The following IQANK1 variants were observed in gnomAD, a reference collection of about 807,000 sequenced individuals.
IQANK1 encodes IQ motif and ankyrin repeat containing 1.
IQANK1 carries 30 observed loss-of-function variants against 22.6 expected under a neutral mutation model. The observed-to-expected ratio is 1.33, with a 90% CI of 0.99 to 1.80. The LOEUF is 1.80. Ranked by LOEUF, IQANK1 falls within the 40% of genes most tolerant of loss-of-function variation. The pLI is 0.00. For missense variants in IQANK1, 275 were observed against 235.2 expected, an observed-to-expected ratio of 1.17 and a Z score of -1.11; for synonymous variants, 122 against 99.6, an observed-to-expected ratio of 1.23 and a Z score of -1.34.
At chr8:143,788,593 A>C (rs1261237520) in intron 7 of IQANK1, among the ~76,000 whole-genome samples, 1 of 152,214 alleles carries the variant, frequency 6.6e-6, no homozygotes, top group Non-Finnish European at 1.5e-5. Flanking sequence ...CTTGAGTCTG[A>C]CAGAGGCGGG....
chr8:143,778,737 C>A (rs1443077476), intron 7 of IQANK1, among the ~76,000 whole-genome samples: 1 of 152,162 alleles, frequency 6.6e-6, no homozygotes, highest in Non-Finnish European at 1.5e-5. Context: ...TGCGCTTTCG[C>A]CAATTCATAA....
rs1159453173 is a variant in IQANK1 at position 143,774,924 on chromosome 8, C to G, written c.789+2442C>G. ...GGTCACACACACTCACATGACAACA[C>G]TGTGGAGACGGAGGACAGATCGGAG... On this transcript the variant is annotated intron_variant, in intron 7 of 13. Transcript: ENST00000527139. This position sits in a 1 kb window ranked among gnomAD's most constrained non-coding sequence, Gnocchi z 4.2. Among the ~76,000 whole-genome samples, 3 of 152,098 alleles carry G rather than the reference C, an allele frequency of 2.0e-5. No homozygotes were observed. The highest frequency in any genetic ancestry group is 4.4e-5 in the Non-Finnish European group (3 of 68,036).
At chr8:143,734,469 C>T (rs1293562079) in intron 1 of IQANK1, among the ~76,000 whole-genome samples, 1 of 151,356 alleles carries the variant, frequency 6.6e-6, no homozygotes, top group Non-Finnish European at 1.5e-5. Flanking sequence ...GTAGGGGACT[C>T]TGCCGCAGTG....
chr8:143,766,595 C>T lies in IQANK1; in HGVS notation c.176-4893C>T, dbSNP rs897308926. Among the ~76,000 whole-genome samples the T allele has an allele frequency of 4.6e-5, 7 of 151,788 alleles. No homozygotes were observed. The South Asian group carries it at 6.2e-4, about 14-fold the overall frequency. On this transcript the variant is annotated intron_variant, in intron 3 of 13. Coordinates refer to ENST00000527139, the MANE Select transcript of IQANK1 (RefSeq NM_001381874.1). Reference sequence around the variant, plus strand: ...CTGAGGCAGGAGAATCGCTTGAACCCGGGAGGTGGAGGTTGCAGTGAGCCA... The same window carrying T: ...CTGAGGCAGGAGAATCGCTTGAACCTGGGAGGTGGAGGTTGCAGTGAGCCA...
At chr8:143,779,154 T>G (rs1554630740) in intron 7 of IQANK1, among the ~76,000 whole-genome samples, 2 of 151,912 alleles carry the variant, frequency 1.3e-5, no homozygotes, top group African/African-American at 2.4e-5. Context: ...ATTTATAAAC[T>G]TATAAGCTAT....
At chr8:143,738,010 C>T (rs994941928) in intron 2 of IQANK1, among the ~76,000 whole-genome samples, 2 of 152,198 alleles carry the variant, frequency 1.3e-5, no homozygotes, top group Non-Finnish European at 2.9e-5. Flanking sequence ...GCACCGGTCT[C>T]GAGGCTGCCT....
At chr8:143,748,787 A>G (rs1383039279) in intron 3 of IQANK1, among the ~76,000 whole-genome samples, 1 of 111,150 alleles carries the variant, frequency 9.0e-6, no homozygotes, top group African/African-American at 3.7e-5. Context: ...TATATCATAT[A>G]TAAATATATA....
intron 1 of IQANK1, among the ~76,000 whole-genome samples, chr8:143,734,544 G>A (rs1818671030): frequency 1.3e-5 from 2 of 150,582 alleles, no homozygotes; most frequent in South Asian, 4.2e-4. Context: ...CCCAAGCACA[G>A]GAGACTCCTC....
intron 2 of IQANK1, among the ~76,000 whole-genome samples, chr8:143,738,514 G>C (rs956013927): frequency 6.6e-6 from 1 of 152,140 alleles, no homozygotes. Flanking sequence ...GCGGTGGCTC[G>C]CCTGGGCTGA....
chr8:143,740,441 G>T (rs557080867), intron 3 of IQANK1, among the ~76,000 whole-genome samples: 14 of 152,300 alleles, frequency 9.2e-5, no homozygotes, highest in African/African-American at 3.4e-4. Context: ...GCCCGATACC[G>T]CCCTGAGGCT....
At chr8:143,786,938 G>T (rs1819900702) in intron 7 of IQANK1, among the ~76,000 whole-genome samples, 1 of 152,172 alleles carries the variant, frequency 6.6e-6, no homozygotes, top group South Asian at 2.1e-4. Flanking sequence ...GGATTTGGGG[G>T]CTGATCGAGG....
intron 3 of IQANK1, among the ~76,000 whole-genome samples, chr8:143,747,578 C>G: frequency 6.6e-6 from 1 of 151,930 alleles, no homozygotes; most frequent in East Asian, 1.9e-4. Flanking sequence ...TCCATTTGTT[C>G]CTAAGTATTT....
intron 3 of IQANK1, among the ~76,000 whole-genome samples, chr8:143,749,441 TTATA>T (rs1450507784): frequency 1.5e-5 from 2 of 135,010 alleles, no homozygotes; most frequent in Admixed American, 1.6e-4. Context: ...TCATATATAA[TTATA>T]TATTATATAT....
In IQANK1 at chr8:143,739,863, G is replaced by C. The variant is rs369484260; in HGVS notation, c.90G>C (p.Lys30Asn). ...CTGACGGTCGTTTTCCCTTAGGGAAGCCCGGGGAGAACCGCCCGCCGCAGA... is the reference window on the plus strand; with the variant it reads ...CTGACGGTCGTTTTCCCTTAGGGAACCCCGGGGAGAACCGCCCGCCGCAGA... Reference protein sequence around the residue: ...PGPKTRAAAGKPGENRPPQRK... With the variant: ...PGPKTRAAAGNPGENRPPQRK... The change falls in exon 3 of 14, where the codon AAG (lysine) becomes AAC (asparagine). Residue 30 changes from lysine (K) to asparagine (N), a missense_variant. Physicochemically the swap from Lys to Asn is moderately conservative, Grantham distance 94. Coordinates refer to ENST00000527139, the MANE Select transcript of IQANK1 (RefSeq NM_001381874.1). 2.9e-6 allele frequency: 2 copies of C among 694,810 alleles called. No homozygotes were observed. Among genetic ancestry groups the C allele is most frequent in the Non-Finnish European group, 5.2e-6 (2 of 381,752 alleles). 43.0% of individuals were successfully genotyped at this position (694,810 alleles called of 1,614,324 possible).
At chr8:143,742,471 A>T (rs1346334828) in intron 3 of IQANK1, 1 of 455,932 alleles carries the variant, frequency 2.2e-6, no homozygotes, top group Non-Finnish European at 4.4e-6. Context: ...CGATGTAGAC[A>T]CTTGGGCCCC....
At chr8:143,741,514 G>C (rs1818913372) in intron 3 of IQANK1, among the ~76,000 whole-genome samples, 1 of 152,168 alleles carries the variant, frequency 6.6e-6, no homozygotes, top group African/African-American at 2.4e-5. Flanking sequence ...GGACCGCACA[G>C]GTGGGGTTGG....
intron 3 of IQANK1, among the ~76,000 whole-genome samples, chr8:143,762,347 G>GAAAAT (rs1370530570): frequency 3.3e-5 from 5 of 151,376 alleles, no homozygotes; most frequent in African/African-American, 1.2e-4. Flanking sequence ...GGAGGGAAAA[G>GAAAAT]AAAAGAAAAG....
chr8:143,789,267 C>T, intron 9 of IQANK1, 24 bp downstream of exon 9: 1 of 401,448 alleles, frequency 2.5e-6, no homozygotes, highest in Non-Finnish European at 4.4e-6. Context: ...CAGGGAGGAG[C>T]CAGGAAAGGA....
chr8:143,771,436 C>G lies in IQANK1; in HGVS notation c.176-52C>G. On this transcript the variant is annotated intron_variant, in intron 3 of 13. Coordinates refer to ENST00000527139, the MANE Select transcript of IQANK1 (RefSeq NM_001381874.1). This position sits in a 1 kb window ranked among gnomAD's most constrained non-coding sequence, Gnocchi z 6.0. ...GCCGGCTCCACTCCCAGGGGCGCAG[C>G]AGGCGTGGCTGGAGGCGAGAACGCG... 1 of 396,230 alleles carries G rather than the reference C, an allele frequency of 2.5e-6. No individual in the cohort carries two copies. The highest frequency in any genetic ancestry group is 3.6e-5 in the East Asian group (1 of 27,898). 24.5% of individuals were successfully genotyped at this position (396,230 alleles called of 1,614,324 possible).
Sources: gnomAD v4.1 joint callset for allele counts (sites outside exome capture counted in the v4.1 genomes callset) on GRCh38, gnomAD v4.1.1 for gene constraint, Gnocchi (gnomAD v3.1) non-coding constraint, MANE v1.5 for transcripts, NCBI Gene and HGNC (gene_info 2026-07-23, HGNC 2026-07-21) for gene names.